The following TRMT44 variants were observed in gnomAD, a reference collection of about 807,000 sequenced individuals.
The protein encoded by TRMT44 is tRNA methyltransferase 44 homolog.
Under a neutral mutation model 77.3 loss-of-function variants are expected in TRMT44, and 78 were observed. That is an observed-to-expected ratio of 1.01 (90% confidence interval 0.84 to 1.22). The LOEUF is 1.22. TRMT44 is among the 50% of genes most tolerant of loss of function. The pLI, the probability that TRMT44 is intolerant of heterozygous loss-of-function variation, is 0.00. For missense variants in TRMT44, 1,090 were observed against 964.4 expected (o/e 1.13, Z -1.73); for synonymous variants, 391 against 383.3 (o/e 1.02, Z -0.23).
chr4:8,464,540 C>G (rs1726392395), intron 7 of TRMT44, among the ~76,000 whole-genome samples: 1 of 152,240 alleles, frequency 6.6e-6, no homozygotes, highest in Admixed American at 6.5e-5. Context: ...GAGACTTGGT[C>G]ACGAAGCAGG....
rs1353246320 is a variant in TRMT44, at chr4:8,449,944, CT to C, written c.954+60del. On this transcript the variant is annotated intron_variant, in intron 3 of 10. Coordinates refer to ENST00000389737, the MANE Select transcript of TRMT44 (RefSeq NM_152544.3). ...CCCCTTCATGATTTTCTTTTCTTTT[CT>C]TTTCTTTTTTTTTTTTTTTTTTTTT... The C allele has an allele frequency of 2.9e-5, 11 of 376,946 alleles. No homozygotes were observed. In the African/African-American group the frequency reaches 4.6e-4, roughly 16 times the overall value. 23.4% of individuals were successfully genotyped at this position (376,946 alleles called of 1,614,324 possible).
the TRMT44 span, among the ~76,000 whole-genome samples, chr4:8,498,631 C>A: frequency 1.3e-5 from 2 of 152,206 alleles, no homozygotes; most frequent in African/African-American, 4.8e-5. The surrounding 1 kb of genome is among the most constrained non-coding windows in gnomAD (Gnocchi z 4.3). Flanking sequence ...TGCGGTGTCT[C>A]CCCCTGCCAG....
intron 6 of TRMT44, among the ~76,000 whole-genome samples, chr4:8,460,278 G>C (rs1726063377): frequency 6.6e-6 from 1 of 152,326 alleles, no homozygotes; most frequent in South Asian, 2.1e-4. Flanking sequence ...CTGGGTCACA[G>C]AGCCTCATCT....
At chr4:8,492,914 A>G (rs572709573) in intron 2 of TRMT44, among the ~76,000 whole-genome samples, 1 of 152,324 alleles carries the variant, frequency 6.6e-6, no homozygotes, top group African/African-American at 2.4e-5. Flanking sequence ...TAAAATGTAT[A>G]AAACCAAGCT....
Position 8,468,160 on chromosome 4 carries a change from G to A in TRMT44, c.1741G>A (p.Ala581Thr), listed in dbSNP as rs1224951482. 1 of 1,613,980 alleles carries A rather than the reference G, an allele frequency of 6.2e-7. No individual in the cohort carries two copies. Residue 581 changes from alanine (A) to threonine (T), a missense_variant, in exon 9 of 11, where the codon GCT becomes ACT. By Grantham distance (58) the Ala-to-Thr change is moderately conservative. Transcript: ENST00000389737. The part of the protein sequence containing the change: ...WAAEHGAGPQ[A>T]EGPWLPGFHP... ...CGCTGAGCATGGAGCAGGGCCCCAG[G>A]CTGAAGGACCCTGGCTACCTGGATT...
At chr4:8,463,408 T>G (rs1474171958) in intron 6 of TRMT44, among the ~76,000 whole-genome samples, 2 of 152,138 alleles carry the variant, frequency 1.3e-5, no homozygotes, top group East Asian at 1.9e-4. Flanking sequence ...ATGGTTAGAG[T>G]GCCTATTCAG....
downstream of TRMT44, among the ~76,000 whole-genome samples, chr4:8,480,697 G>A (rs1727587623): frequency 1.3e-5 from 2 of 152,168 alleles, no homozygotes; most frequent in Non-Finnish European, 2.9e-5. Context: ...TAACAACTGT[G>A]GGACCATCAC....
At chr4:8,458,315 C>A (rs1725938054) in intron 6 of TRMT44, among the ~76,000 whole-genome samples, 1 of 152,164 alleles carries the variant, frequency 6.6e-6, no homozygotes, top group Non-Finnish European at 1.5e-5. Context: ...TCTTCCACAC[C>A]TGAGACAGCA....
At chr4:8,464,155 T>A (rs1251754420) in intron 7 of TRMT44, 64 bp downstream of exon 7, 1 of 1,359,472 alleles carries the variant, frequency 7.4e-7, no homozygotes, top group African/African-American at 1.4e-5. Context: ...AACAGTGGTG[T>A]CCAAAAGGGT....
chr4:8,494,163 A>G (rs1728089884), downstream of TRMT44, among the ~76,000 whole-genome samples: 1 of 151,958 alleles, frequency 6.6e-6, no homozygotes, highest in Middle Eastern at 3.4e-3. Flanking sequence ...GCTGGGAACT[A>G]CATTAGGCTA....
intron 5 of TRMT44, chr4:8,454,477 A>G (rs146138316): frequency 0.019 from 10,448 of 557,808 alleles, 142 homozygotes; most frequent in Non-Finnish European, 0.024. Context: ...GCAGTACAGC[A>G]GCAAGAAAAT....
At chr4:8,466,859 C>T (rs1278331718) in intron 8 of TRMT44, among the ~76,000 whole-genome samples, 1 of 152,202 alleles carries the variant, frequency 6.6e-6, no homozygotes, top group Non-Finnish European at 1.5e-5. Context: ...ACACACAGCA[C>T]ATGTCTGGTG....
chr4:8,459,887 G>A (rs760485990), intron 6 of TRMT44, among the ~76,000 whole-genome samples: 28 of 152,206 alleles, frequency 1.8e-4, no homozygotes, highest in Non-Finnish European at 3.4e-4. Flanking sequence ...GGTGGCAGGT[G>A]CTGAGGAGGA....
Position 8,468,015 on chromosome 4 carries a change from A to G in TRMT44, c.1596A>G (p.Val532=). The change falls in exon 9 of 11, where the codon GTA becomes GTG. Residue 532 remains valine, a synonymous_variant. Transcript: ENST00000389737. ...TTAAGAGCAGGCGGGGCTGCCCTGT[A>G]AGCCCACCTGGCTGGGAGCTTTCCC... ...QYIKSRRGCP[V]SPPGWELSPS... 6.2e-7 allele frequency: 1 copy of G among 1,614,032 alleles called. No individual in the cohort carries two copies.
At chr4:8,448,412 T>C (rs1201304702) in intron 2 of TRMT44, among the ~76,000 whole-genome samples, 1 of 152,128 alleles carries the variant, frequency 6.6e-6, no homozygotes, top group South Asian at 2.1e-4. Context: ...CTGTGTCCCC[T>C]CAATAGAAAC....
At chr4:8,442,211 C>T (rs1316844499) in intron 1 of TRMT44, among the ~76,000 whole-genome samples, 1 of 152,208 alleles carries the variant, frequency 6.6e-6, no homozygotes, top group African/African-American at 2.4e-5. Context: ...CCTCTTGTGG[C>T]TTTCCACAAC....
At chr4:8,482,013 C>T (rs1030447989) in intron 2 of TRMT44, among the ~76,000 whole-genome samples, 5 of 152,182 alleles carry the variant, frequency 3.3e-5, no homozygotes, top group South Asian at 2.1e-4. Context: ...GAAAGCCTTC[C>T]GTGTTGAGGT....
At chr4:8,489,474 T>C (rs1241727862) in intron 2 of TRMT44, among the ~76,000 whole-genome samples, 1 of 151,806 alleles carries the variant, frequency 6.6e-6, no homozygotes, top group Non-Finnish European at 1.5e-5. Flanking sequence ...TTGTTTTGTT[T>C]TGTTTTGTTT....
chr4:8,462,454 C>G (rs1267258987), intron 6 of TRMT44, among the ~76,000 whole-genome samples: 1 of 151,800 alleles, frequency 6.6e-6, no homozygotes, highest in Admixed American at 6.6e-5. Context: ...TGCCTGTAAT[C>G]CCAGCACTTT....
Sources: gnomAD v4.1 joint callset for allele counts (sites outside exome capture counted in the v4.1 genomes callset) on GRCh38, gnomAD v4.1.1 for gene constraint, Gnocchi (gnomAD v3.1) non-coding constraint, MANE v1.5 for transcripts, NCBI Gene and HGNC (gene_info 2026-07-23, HGNC 2026-07-21) for gene names.